Variants in AMOTL1 observed in about 807,000 individuals in gnomAD.
AMOTL1 encodes the protein angiomotin-like protein 1.
AMOTL1 carries 45 observed loss-of-function variants against 102.9 expected under a neutral mutation model. The ratio of observed to expected loss-of-function variants is 0.44; its 90% CI spans 0.34 to 0.56. The LOEUF (loss-of-function observed/expected upper bound fraction) is 0.56, where lower values mean the gene tolerates loss of function less well. Ranked by LOEUF, AMOTL1 falls within the 20% of genes least tolerant of loss-of-function variation. AMOTL1 has a pLI of 0.01. For missense variants in AMOTL1, 1,114 were observed against 1,225.6 expected (o/e 0.91, Z 1.36); for synonymous variants, 481 against 484.7 (o/e 0.99, Z 0.10).
Position 94,876,265 on chromosome 11 carries a change from GCCT to G in AMOTL1, c.*5479_*5481del, listed in dbSNP as rs1436300878. ...TTTTCCTTTTGAGGAGGAACAGGGA[GCCT>G]CCTCCTCCATGAGCACTTACAGAAT... is the stretch of plus-strand genomic sequence containing the variant. On this transcript the variant is annotated 3_prime_UTR_variant, in exon 13 of 13. Coordinates refer to ENST00000433060, the MANE Select transcript of AMOTL1 (RefSeq NM_130847.3). The G allele has an allele frequency of 6.6e-6, 1 of 152,560 alleles. No individual in the cohort carries two copies. Among genetic ancestry groups the G allele is most frequent in the Admixed American group, 6.5e-5 (1 of 15,276 alleles). The allele number at this position is 152,560 out of a possible 1,614,324, so 9.5% of individuals were successfully genotyped here. A position where few individuals can be genotyped will look rare whatever the true frequency, so the allele number is the denominator to read the frequency against.
intron 2 of AMOTL1, among the ~76,000 whole-genome samples, chr11:94,733,656 C>A (rs1392954639): frequency 6.6e-6 from 1 of 152,262 alleles, no homozygotes; most frequent in Non-Finnish European, 1.5e-5. Flanking sequence ...ATGGTCTCTG[C>A]ATTTCAGCAG....
At chr11:94,852,916 A>G (rs1952575124) in intron 7 of AMOTL1, among the ~76,000 whole-genome samples, 2 of 152,250 alleles carry the variant, frequency 1.3e-5, no homozygotes, top group African/African-American at 4.8e-5. Flanking sequence ...ATGCTTATAG[A>G]AAACTTGAAA....
intron 3 of AMOTL1, among the ~76,000 whole-genome samples, chr11:94,813,510 C>T (rs900825337): frequency 1.3e-5 from 2 of 152,208 alleles, no homozygotes; most frequent in African/African-American, 4.8e-5. Flanking sequence ...ACCTTGCAAC[C>T]ATCCGCAGTT....
At chr11:94,742,558 A>G (rs1161405843) in intron 3 of AMOTL1, among the ~76,000 whole-genome samples, 1 of 152,238 alleles carries the variant, frequency 6.6e-6, no homozygotes, top group Non-Finnish European at 1.5e-5. Context: ...GACTGCCCCC[A>G]TGAGGCACTG....
intron 1 of AMOTL1, among the ~76,000 whole-genome samples, chr11:94,719,438 C>T (rs1293046907): frequency 6.6e-6 from 1 of 151,990 alleles, no homozygotes; most frequent in Non-Finnish European, 1.5e-5. Context: ...TGAATGCATA[C>T]AATCTATATA....
In AMOTL1 at chr11:94,729,812, TTGAG is replaced by T. The variant is rs536453179; in HGVS notation, c.85+759_85+762del. 1.2e-4 allele frequency among the ~76,000 whole-genome samples: 19 copies of T among 152,350 alleles called. No individual in the cohort carries two copies. The East Asian group carries it at 2.7e-3, about 22-fold the overall frequency. On this transcript the variant is annotated intron_variant, in intron 2 of 4. Transcript: ENST00000299004. ...TTATTCATTTATTCAACAAATATTA[TTGAG>T]TATCTATTTTATGCCAAGCACTAGT...
At chr11:94,708,639 C>A (rs900428454) in intron 1 of AMOTL1, among the ~76,000 whole-genome samples, 2 of 152,142 alleles carry the variant, frequency 1.3e-5, no homozygotes, top group African/African-American at 4.8e-5. Context: ...GGGTTATAAT[C>A]TCTAACCACC....
intron 3 of AMOTL1, among the ~76,000 whole-genome samples, chr11:94,806,069 A>G (rs1449334504): frequency 6.6e-6 from 1 of 152,230 alleles, no homozygotes; most frequent in Non-Finnish European, 1.5e-5. Context: ...TTCATTGAGG[A>G]TAGAGTCAGA....
chr11:94,713,330 G>T (rs918830216), intron 1 of AMOTL1, among the ~76,000 whole-genome samples: 1 of 150,746 alleles, frequency 6.6e-6, no homozygotes, highest in African/African-American at 2.5e-5. Context: ...TCCCATTTCA[G>T]GGTTATTTGT....
chr11:94,862,421 T>A (rs763752796), intron 9 of AMOTL1, among the ~76,000 whole-genome samples: 14 of 152,232 alleles, frequency 9.2e-5, no homozygotes, highest in Non-Finnish European at 1.9e-4. Context: ...CCATTAGTTT[T>A]GTGACTTTTC....
chr11:94,740,248 C>T (rs1465634181), intron 2 of AMOTL1: 5 of 152,344 alleles, frequency 3.3e-5, no homozygotes, highest in African/African-American at 7.2e-5. Flanking sequence ...TCGTCCATCT[C>T]CTCAGGAGAA....
Position 94,839,985 on chromosome 11 carries a change from T to C in AMOTL1, c.1648+8444T>C, listed in dbSNP as rs575769214. ...TTGGCTTTTACATCTATGTTTGAACTAGAGCCAATTATAATAAAAGGCCTT... is the reference window on the plus strand; with the variant it reads ...TTGGCTTTTACATCTATGTTTGAACCAGAGCCAATTATAATAAAAGGCCTT... On this transcript the variant is annotated intron_variant, in intron 6 of 12. Coordinates refer to ENST00000433060, the MANE Select transcript of AMOTL1 (RefSeq NM_130847.3). Among the ~76,000 whole-genome samples, 3 of 152,346 alleles carry C rather than the reference T, an allele frequency of 2.0e-5. No individual in the cohort carries two copies. In the East Asian group the frequency reaches 5.8e-4, roughly 29 times the overall value.
intron 1 of AMOTL1, among the ~76,000 whole-genome samples, chr11:94,775,210 G>A (rs998845299): frequency 2.0e-5 from 3 of 152,098 alleles, no homozygotes; most frequent in Non-Finnish European, 2.9e-5. Context: ...TCTGACTGAC[G>A]GTAAGTTTCA....
chr11:94,853,909 TC>T (rs1170899413), intron 7 of AMOTL1, 23 bp from the exon 8 acceptor site: 1 of 1,599,738 alleles, frequency 6.3e-7, no homozygotes, highest in Non-Finnish European at 8.5e-7. Flanking sequence ...AATTCTGTGC[TC>T]TTTTTTACTC....
chr11:94,726,596 T>C (rs1001910527), intron 1 of AMOTL1, among the ~76,000 whole-genome samples: 2 of 152,200 alleles, frequency 1.3e-5, no homozygotes, highest in Non-Finnish European at 2.9e-5. Context: ...CCTGTTTCCA[T>C]GGTTGCATTA....
chr11:94,724,870 T>C (rs1260935000), intron 1 of AMOTL1, among the ~76,000 whole-genome samples: 2 of 152,150 alleles, frequency 1.3e-5, no homozygotes, highest in East Asian at 3.9e-4. Context: ...TCATATGCGT[T>C]AGAACTAGGG....
intron 1 of AMOTL1, among the ~76,000 whole-genome samples, chr11:94,710,185 G>A (rs557358390): frequency 6.6e-6 from 1 of 152,290 alleles, no homozygotes; most frequent in East Asian, 1.9e-4. Context: ...GGGGAAGGAG[G>A]TAGAGCAGAG....
At chr11:94,833,941 A>G (rs2135669581) in intron 6 of AMOTL1, among the ~76,000 whole-genome samples, 1 of 152,346 alleles carries the variant, frequency 6.6e-6, no homozygotes, top group South Asian at 2.1e-4. Flanking sequence ...TTGGGATTAG[A>G]TAATGACTTA....
At chr11:94,740,848 T>C in intron 2 of AMOTL1, 1 of 1,120,278 alleles carries the variant, frequency 8.9e-7, no homozygotes, top group Non-Finnish European at 1.2e-6. Context: ...CCCGCGCTTT[T>C]CCCGGGGACC....
Sources: gnomAD v4.1 joint callset for allele counts (sites outside exome capture counted in the v4.1 genomes callset) on GRCh38, gnomAD v4.1.1 for gene constraint, MANE v1.5 for transcripts, NCBI Gene and HGNC (gene_info 2026-07-23, HGNC 2026-07-21) for gene names.